The following MFRP variants were observed in gnomAD, a reference collection of about 807,000 sequenced individuals.
The protein encoded by MFRP is C1q and TNF related 5.
In MFRP, 74 loss-of-function variants were observed where a neutral mutation model predicts 65.8. That is an observed-to-expected ratio of 1.12 (90% CI 0.93 to 1.36). The LOEUF is 1.36. MFRP is among the 40% of genes most tolerant of loss of function. The pLI is 0.00. For missense variants in MFRP, 838 were observed against 736.0 expected, an observed-to-expected ratio of 1.14 and a Z score of -1.60; for synonymous variants, 336 against 288.3, an observed-to-expected ratio of 1.17 and a Z score of -1.68.
In MFRP at chr11:119,346,058, T is replaced by C. The variant is rs1950563990; in HGVS notation, c.259A>G (p.Ile87Val). The C allele has an allele frequency of 6.2e-7, 1 of 1,610,652 alleles. No homozygotes were observed. The highest frequency in any genetic ancestry group is 8.5e-7 in the Non-Finnish European group (1 of 1,178,632). The change falls in exon 3 of 15, where the codon ATC becomes GTC. Residue 87 changes from isoleucine (I) to valine (V), a missense_variant. By Grantham distance (29) the Ile-to-Val change is conservative. Transcript: ENST00000619721. ...CCCGGGTACTTACGGGCCAGGATGA[T>C]GGCCACCAGCAGCCCAAGCAGCAGG... is the stretch of plus-strand genomic sequence containing the variant. ...LLLLLGLLVA[I>V]ILAQLQAAPP...
At chr11:119,343,553 T>C (rs1950525079) in intron 9 of MFRP, among the ~76,000 whole-genome samples, 1 of 151,798 alleles carries the variant, frequency 6.6e-6, no homozygotes, top group South Asian at 2.1e-4. Context: ...TGAGGGTTTG[T>C]AGGGGAGGTG....
rs139725672 is a variant in MFRP, at chr11:119,342,638, C to T, written c.1345G>A (p.Gly449Ser). Residue 449 changes from glycine (G) to serine (S), a missense_variant, in exon 11 of 15, where the codon GGC becomes AGC. Transcript: ENST00000619721. ...GGGCCGCTGCAGTTGTCATCGCTGC[C>T]ATCGGTGCAGTCTCTCCACATGTCA... ...MCDMWRDCTD[G>S]SDDNCSGPLF... 956 of 1,613,558 alleles carry T rather than the reference C, an allele frequency of 5.9e-4. 1 individual carries two copies. The highest frequency in any genetic ancestry group is 7.6e-4 in the Non-Finnish European group (897 of 1,179,950).
At position 119,344,762 on chromosome 11, in the gene MFRP, A is replaced by G. The variant is rs1369370176; in HGVS notation, c.773-5T>C. 3 of 1,613,830 alleles carry G rather than the reference A, an allele frequency of 1.9e-6. No homozygotes were observed. Among genetic ancestry groups the G allele is most frequent in the South Asian group, 2.2e-5 (2 of 91,090 alleles). Reference sequence around the variant, plus strand: ...ACTCATCATGGGCACAGCTCCCTGGATGTGGGCACCAGGAGTCAGGGAGGC... The same window carrying G: ...ACTCATCATGGGCACAGCTCCCTGGGTGTGGGCACCAGGAGTCAGGGAGGC... On this transcript the variant is annotated splice_region_variant and splice_polypyrimidine_tract_variant and intron_variant, in intron 6 of 14. Transcript: ENST00000619721.
At position 119,339,617 on chromosome 11, in the gene MFRP, C is replaced by T. The variant is rs1591299414; in HGVS notation, c.*1342G>A. ...GGCATGGACGGCGAAGTAGTAGACC[C>T]CAGGCACCTGGCAGGTGAACTTGCC... On this transcript the variant is annotated 3_prime_UTR_variant, in exon 15 of 15. Coordinates refer to ENST00000619721, the MANE Select transcript of MFRP (RefSeq NM_031433.4). The surrounding 1 kb of genome is among the most constrained non-coding windows in gnomAD (Gnocchi z 5.4). The T allele has an allele frequency of 1.2e-6, 2 of 1,613,142 alleles. 1 individual carries two copies. Among genetic ancestry groups the T allele is most frequent in the South Asian group, 2.2e-5 (2 of 91,088 alleles).
intron 7 of MFRP, 85 bp downstream of exon 7, chr11:119,344,547 G>A (rs1281561967): frequency 3.9e-5 from 63 of 1,605,576 alleles, no homozygotes; most frequent in South Asian, 7.7e-5. Flanking sequence ...CGGAGGGCCC[G>A]GTTTGAGGCT....
In MFRP at chr11:119,340,700, C is replaced by A. The variant is rs565257458; in HGVS notation, c.*848G>T. 4.7e-6 allele frequency: 2 copies of A among 429,466 alleles called. No homozygotes were observed. The highest frequency in any genetic ancestry group is 9.5e-5 in the East Asian group (2 of 20,980). The allele number at this position is 429,466 out of a possible 1,614,324, so 26.6% of individuals were successfully genotyped here. A position where few individuals can be genotyped will look rare whatever the true frequency, so the allele number is the denominator to read the frequency against. Reference sequence around the variant, plus strand: ...CCCTCCTCCGCCAGACTCACCCCCCCTCCCGGCTCCCCGATGGCCTCCTTC... The same window carrying A: ...CCCTCCTCCGCCAGACTCACCCCCCATCCCGGCTCCCCGATGGCCTCCTTC... On this transcript the variant is annotated 3_prime_UTR_variant, in exon 13 of 15. Coordinates refer to ENST00000619721, the MANE Select transcript of MFRP (RefSeq NM_031433.4).
At chr11:119,345,673 T>G (rs745513226) in intron 4 of MFRP, 40 bp from the exon 5 acceptor site, 2 of 1,608,374 alleles carry the variant, frequency 1.2e-6, no homozygotes, top group Non-Finnish European at 1.7e-6. Flanking sequence ...TCAAAAGGAG[T>G]GAGGTCCTTT....
Position 119,341,900 on chromosome 11 carries a change from A to G in MFRP, c.1472T>C (p.Met491Thr), listed in dbSNP as rs1249498833. The G allele has an allele frequency of 6.2e-7, 1 of 1,613,896 alleles. No homozygotes were observed. Among genetic ancestry groups the G allele is most frequent in the South Asian group, 1.1e-5 (1 of 91,072 alleles). The change falls in exon 12 of 15, where the codon ATG becomes ACG. Residue 491 changes from methionine to threonine, a missense_variant. Transcript: ENST00000619721. ...CTCTACCACCTCCTCCTGGGTGATC[A>G]TGCCCACCCAGATGTTAGGGAAGGC... is the stretch of plus-strand genomic sequence containing the variant. ...TTAFPNIWVG[M>T]ITQEEVVEVL...
intron 11 of MFRP, 39 bp from the exon 12 acceptor site, chr11:119,342,023 C>A: frequency 6.2e-7 from 1 of 1,611,480 alleles, no homozygotes; most frequent in Non-Finnish European, 8.5e-7. Context: ...GGGGACTGCT[C>A]ACTGGCTCTG....
In MFRP at chr11:119,341,979, C is replaced by A; in HGVS notation, c.1393G>T (p.Ala465Ser). Residue 465 changes from alanine to serine, a missense_variant, in exon 12 of 15, where the codon GCC (alanine) becomes TCC (serine). Transcript: ENST00000619721. ...ATCTCCACCTGGACAGGCTCACAGG[C>A]CAGCTCTGCAGGGGTGGAGGGGAGG... Reference protein sequence around the residue: ...SGPLFPPPELACEPVQVEMCL... With the variant: ...SGPLFPPPELSCEPVQVEMCL... 1 of 1,613,662 alleles carries A rather than the reference C, an allele frequency of 6.2e-7. No individual in the cohort carries two copies. Among genetic ancestry groups the A allele is most frequent in the Non-Finnish European group, 8.5e-7 (1 of 1,180,016 alleles).
At chr11:119,344,836 A>C in intron 6 of MFRP, 38 bp downstream of exon 6, 1 of 1,613,522 alleles carries the variant, frequency 6.2e-7, no homozygotes, top group East Asian at 2.2e-5. Flanking sequence ...GGAGGGGAAG[A>C]AAGTGGACAC....
chr11:119,345,087 AT>A (rs1950546922), intron 5 of MFRP, 83 bp from the exon 6 acceptor site: 1 of 1,528,556 alleles, frequency 6.5e-7, no homozygotes, highest in African/African-American at 1.4e-5. Context: ...TTGCAGTCCT[AT>A]TTTCTCAACC....
At chr11:119,345,285 G>A in intron 5 of MFRP, 135 bp downstream of exon 5, 3 of 920,232 alleles carry the variant, frequency 3.3e-6, no homozygotes, top group Non-Finnish European at 5.1e-6. Context: ...CAGCAAGGTG[G>A]TGGCAGAGCT....
chr11:119,341,610 A>T lies in MFRP; in HGVS notation c.1678T>A (p.Trp560Arg). ...QSGLALLGTPWPFNCNRLPEA... is the reference protein window; with the variant it reads ...QSGLALLGTPRPFNCNRLPEA... Reference sequence around the variant, plus strand: ...GGCAGCCTGTTGCAGTTGAAGGGCCAGGGGGTGCCCAGTAGTGCCAGGCCA... The same window carrying T: ...GGCAGCCTGTTGCAGTTGAAGGGCCTGGGGGTGCCCAGTAGTGCCAGGCCA... Residue 560 changes from tryptophan (W) to arginine (R), a missense_variant, in exon 13 of 15, where the codon TGG (tryptophan) becomes AGG (arginine). By Grantham distance (101) the Trp-to-Arg change is moderately radical (BLOSUM62 -3). Transcript: ENST00000619721. 10 of 1,612,972 alleles carry T rather than the reference A, an allele frequency of 6.2e-6. No individual in the cohort carries two copies. The highest frequency in any genetic ancestry group is 8.5e-6 in the Non-Finnish European group (10 of 1,180,006).
At position 119,345,507 on chromosome 11, in the gene MFRP, T is replaced by C; in HGVS notation, c.554A>G (p.Lys185Arg). 6.2e-7 allele frequency: 1 copy of C among 1,614,104 alleles called. No homozygotes were observed. Among genetic ancestry groups the C allele is most frequent in the African/African-American group, 1.3e-5 (1 of 75,036 alleles). ...ACTCTCTATGCTGAGGGCTTCGATCTTGAGCTGTATTGCATGGTCTGTGGC... is the reference window on the plus strand; with the variant it reads ...ACTCTCTATGCTGAGGGCTTCGATCCTGAGCTGTATTGCATGGTCTGTGGC... ...QVATDHAIQL[K>R]IEALSIESVA... is the part of the protein sequence containing the mutation. The change falls in exon 5 of 15, where the codon AAG becomes AGG. Residue 185 changes from lysine to arginine, a missense_variant. Physicochemically the swap from Lys to Arg is conservative, Grantham distance 26. Coordinates refer to ENST00000619721, the MANE Select transcript of MFRP (RefSeq NM_031433.4).
Position 119,344,905 on chromosome 11 carries a change from A to G in MFRP, c.741T>C (p.His247=). ...CAGGGGCCATAGCCTGGTACCAGGC[A>G]TGGAAACCAAATCCTTCCACACTGC... The part of the protein sequence containing the change: ...SDSSVEGFGF[H]AWYQAMAPGR... Residue 247 remains histidine (H), a synonymous_variant, in exon 6 of 15, where the codon CAT becomes CAC. Coordinates refer to ENST00000619721, the MANE Select transcript of MFRP (RefSeq NM_031433.4). The G allele has an allele frequency of 6.2e-7, 1 of 1,612,630 alleles. No individual in the cohort carries two copies. The highest frequency in any genetic ancestry group is 1.1e-5 in the South Asian group (1 of 90,914).
chr11:119,340,187 G>C lies in MFRP; in HGVS notation c.*1107C>G, dbSNP rs1450356844. 4 of 1,514,668 alleles carry C rather than the reference G, an allele frequency of 2.6e-6. No individual in the cohort carries two copies. In the African/African-American group the frequency reaches 5.8e-5, roughly 22 times the overall value. The allele number at this position is 1,514,668 out of a possible 1,614,324, so 93.8% of individuals were successfully genotyped here. A position where few individuals can be genotyped will look rare whatever the true frequency, so the allele number is the denominator to read the frequency against. ...AGCCGCGGCGGTGCCTTCTTACCCGGCCTCCCGCCCTCGCCTTTCTCTCCC... is the reference window on the plus strand; with the variant it reads ...AGCCGCGGCGGTGCCTTCTTACCCGCCCTCCCGCCCTCGCCTTTCTCTCCC... On this transcript the variant is annotated 3_prime_UTR_variant, in exon 14 of 15. Coordinates refer to ENST00000619721, the MANE Select transcript of MFRP (RefSeq NM_031433.4).
intron 13 of MFRP, 126 bp downstream of exon 13, chr11:119,340,569 G>C (rs1950492739): frequency 1.5e-6 from 1 of 676,594 alleles, no homozygotes; most frequent in Admixed American, 2.8e-5. Context: ...GCAGGGCCGA[G>C]CATCCGGAGA....
In MFRP at chr11:119,345,831, CT is replaced by C; in HGVS notation, c.368del (p.Gln123ArgfsTer14). 6.2e-7 allele frequency: 1 copy of C among 1,613,928 alleles called. No homozygotes were observed. The highest frequency in any genetic ancestry group is 8.5e-7 in the Non-Finnish European group (1 of 1,180,010). ...GCTGCCCTTTAGGGGTCCCAGCTGC[CT>C]GAGAGGTGGTGATGGTGGGGGTGGT... ...TTTTPTITTS[Q>X]AAGTPKGQQE... On this transcript the variant is annotated frameshift_variant, in exon 4 of 15. Coordinates refer to ENST00000619721, the MANE Select transcript of MFRP (RefSeq NM_031433.4). LOFTEE classifies it high-confidence loss of function.
Sources: gnomAD v4.1 joint callset for allele counts (sites outside exome capture counted in the v4.1 genomes callset) on GRCh38, gnomAD v4.1.1 for gene constraint, Gnocchi (gnomAD v3.1) non-coding constraint, MANE v1.5 for transcripts, NCBI Gene and HGNC (gene_info 2026-07-23, HGNC 2026-07-21) for gene names.